Variants in ADCY8 observed in about 807,000 individuals in gnomAD.
The protein encoded by ADCY8 is adenylate cyclase type 8.
In ADCY8, 51 loss-of-function variants were observed where a neutral mutation model predicts 119.7. The ratio of observed to expected loss-of-function variants is 0.43; its 90% confidence interval spans 0.34 to 0.54. ADCY8 has a LOEUF of 0.54. Among genes scored for constraint, ADCY8 ranks in the 20% least tolerant of loss-of-function variants. ADCY8 has a pLI of 0.03. For missense variants in ADCY8, 1,383 were observed against 1,598.8 expected (o/e 0.87, Z 2.30); for synonymous variants, 665 against 651.0 (o/e 1.02, Z -0.33).
At chr8:130,870,019 T>C (rs78803578) in intron 8 of ADCY8, among the ~76,000 whole-genome samples, 16,956 of 44,000 alleles carry the variant, frequency 0.39, 1,659 homozygotes, top group Middle Eastern at 0.49. Flanking sequence ...TTTCTTCTTC[T>C]TTTTTTTTTT....
At chr8:130,915,803 A>G (rs990994542) in intron 5 of ADCY8, among the ~76,000 whole-genome samples, 1 of 152,190 alleles carries the variant, frequency 6.6e-6, no homozygotes, top group African/African-American at 2.4e-5. Context: ...CATCAACTCT[A>G]TTCACACAGA....
At position 130,843,030 on chromosome 8, in the gene ADCY8, T is replaced by A. The variant is rs143295590; in HGVS notation, c.2502+4394A>T. Among the ~76,000 whole-genome samples the A allele has an allele frequency of 1.8e-3, 278 of 152,302 alleles. 1 individual carries two copies. The highest frequency in any genetic ancestry group is 6.5e-3 in the African/African-American group (269 of 41,570). On this transcript the variant is annotated intron_variant, in intron 11 of 17. Transcript: ENST00000286355. ...GCCAGACATTGTGTATTTACCTTGT[T>A]AAATCCTAGATATTTTTGTATTCCT...
At chr8:130,857,812 C>T (rs1419531001) in intron 9 of ADCY8, among the ~76,000 whole-genome samples, 1 of 152,110 alleles carries the variant, frequency 6.6e-6, no homozygotes, top group Non-Finnish European at 1.5e-5. Flanking sequence ...ATTTCCCTCA[C>T]TTACTATTTA....
intron 1 of ADCY8, among the ~76,000 whole-genome samples, chr8:130,991,873 G>A (rs1563758699): frequency 1.3e-5 from 2 of 151,492 alleles, no homozygotes; most frequent in African/African-American, 4.9e-5. Flanking sequence ...AGCAGTGAAT[G>A]AAAAGATAAG....
intron 12 of ADCY8, among the ~76,000 whole-genome samples, chr8:130,833,169 T>C (rs954118320): frequency 1.3e-5 from 2 of 152,200 alleles, no homozygotes; most frequent in Non-Finnish European, 2.9e-5. Context: ...TATGGTGGAA[T>C]GTTATTCAGT....
At chr8:130,876,469 G>A (rs575822190) in intron 8 of ADCY8, among the ~76,000 whole-genome samples, 2 of 133,650 alleles carry the variant, frequency 1.5e-5, no homozygotes, top group African/African-American at 5.0e-5. Context: ...ACAGTTCAAC[G>A]GTGGTTCGAG....
intron 14 of ADCY8, among the ~76,000 whole-genome samples, chr8:130,812,301 C>T (rs1445478150): frequency 3.9e-5 from 6 of 152,144 alleles, no homozygotes. Flanking sequence ...TAGGGTTTCC[C>T]TTCACAGCTC....
intron 5 of ADCY8, among the ~76,000 whole-genome samples, chr8:130,928,123 G>A (rs905617948): frequency 5.3e-5 from 8 of 152,240 alleles, no homozygotes; most frequent in South Asian, 2.1e-4. Context: ...TGTGGCTGCC[G>A]AAGAGAATAC....
At chr8:130,980,875 G>A (rs1234306441) in intron 2 of ADCY8, among the ~76,000 whole-genome samples, 1 of 152,116 alleles carries the variant, frequency 6.6e-6, no homozygotes, top group Non-Finnish European at 1.5e-5. Context: ...GCATCACAGT[G>A]GCCTCCCTAC....
chr8:130,809,270 C>T (rs994761879), intron 14 of ADCY8, among the ~76,000 whole-genome samples: 3 of 152,180 alleles, frequency 2.0e-5, no homozygotes, highest in African/African-American at 7.2e-5. Context: ...GCTCACTACT[C>T]ACTAGCTTTG....
At chr8:130,836,138 C>T in intron 12 of ADCY8, 139 bp downstream of exon 12, 1 of 961,208 alleles carries the variant, frequency 1.0e-6, no homozygotes, top group South Asian at 1.8e-5. Context: ...TTGTAAACTA[C>T]AGAATGCCTG....
chr8:131,005,729 C>G (rs1823095704), intron 1 of ADCY8, among the ~76,000 whole-genome samples: 1 of 152,164 alleles, frequency 6.6e-6, no homozygotes. Flanking sequence ...TGTGCAATTA[C>G]TGTATTCCTC....
intron 1 of ADCY8, among the ~76,000 whole-genome samples, chr8:131,031,642 C>A (rs962348546): frequency 1.3e-5 from 2 of 152,104 alleles, no homozygotes; most frequent in Non-Finnish European, 2.9e-5. Flanking sequence ...TGTTTGAGGC[C>A]TTGAGTTCAA....
chr8:131,039,614 C>T lies in ADCY8; in HGVS notation c.720G>A (p.Thr240=), dbSNP rs188297804. The change falls in exon 1 of 18, where the codon ACG becomes ACA. Residue 240 remains threonine, a synonymous_variant. Coordinates refer to ENST00000286355, the MANE Select transcript of ADCY8 (RefSeq NM_001115.3). ...TGACCACGCCGCTGTACTGCAGGTA[C>T]GTGTGGGAGGTGGTGTCCTTCCTGA... ...VVVRKDTTSH[T]YLQYSGVVTW... 3.7e-6 allele frequency: 6 copies of T among 1,614,050 alleles called. No homozygotes were observed. Among genetic ancestry groups the T allele is most frequent in the Middle Eastern group, 1.6e-4 (1 of 6,062 alleles).
intron 3 of ADCY8, among the ~76,000 whole-genome samples, chr8:130,944,843 A>G (rs956267433): frequency 4.6e-5 from 7 of 152,258 alleles, no homozygotes; most frequent in Non-Finnish European, 7.3e-5. Context: ...GTTAGATTAA[A>G]TGATATATAA....
At chr8:130,895,817 C>T (rs994222496) in intron 7 of ADCY8, among the ~76,000 whole-genome samples, 5 of 152,090 alleles carry the variant, frequency 3.3e-5, no homozygotes. Context: ...AAAAATATGC[C>T]TGTGATTCTC....
At chr8:131,039,267 A>C (rs1449878917) in intron 1 of ADCY8, 107 bp downstream of exon 1, 7 of 1,466,184 alleles carry the variant, frequency 4.8e-6, no homozygotes, top group Non-Finnish European at 4.6e-6. Context: ...GCCAGACTGA[A>C]GGCGGAGACT....
At chr8:130,983,768 G>A (rs2130729026) in intron 2 of ADCY8, among the ~76,000 whole-genome samples, 1 of 152,286 alleles carries the variant, frequency 6.6e-6, no homozygotes, top group East Asian at 1.9e-4. Flanking sequence ...AATACTCTGT[G>A]CTGGGGTTTT....
intron 5 of ADCY8, among the ~76,000 whole-genome samples, chr8:130,921,466 T>C (rs1219135162): frequency 6.6e-6 from 1 of 150,488 alleles, no homozygotes; most frequent in Non-Finnish European, 1.5e-5. Flanking sequence ...TTTTTTTTTT[T>C]TGAGACAGAG....
Sources: allele counts gnomAD v4.1 joint callset (sites outside exome capture counted in the v4.1 genomes callset), GRCh38; gene constraint gnomAD v4.1.1; transcripts MANE v1.5; gene names NCBI Gene and HGNC (gene_info 2026-07-23, HGNC 2026-07-21).